Variants in SPAG5 observed in about 807,000 individuals in gnomAD.
SPAG5 encodes the protein sperm-associated antigen 5.
A neutral mutation model predicts 145.4 loss-of-function variants in SPAG5; 99 were observed. That is an observed-to-expected ratio of 0.68 (90% confidence interval 0.58 to 0.80). The LOEUF is 0.80. Among genes scored for constraint, SPAG5 ranks in the 30% least tolerant of loss-of-function variants. The probability of loss-of-function intolerance (pLI) is 0.00; values close to 1 mark genes in which losing one functional copy is unlikely to be tolerated. For missense variants in SPAG5, 1,192 were observed against 1,416.0 expected, an observed-to-expected ratio of 0.84 and a Z score of 2.54; for synonymous variants, 477 against 525.4, an observed-to-expected ratio of 0.91 and a Z score of 1.26.
At chr17:28,595,084 C>T (rs2070652810) in intron 2 of SPAG5, among the ~76,000 whole-genome samples, 1 of 151,578 alleles carries the variant, frequency 6.6e-6, no homozygotes, top group South Asian at 2.1e-4. Context: ...ATGGTGAAAC[C>T]CCATCTCTAC....
rs74795038 is a variant in SPAG5 at position 28,581,200 on chromosome 17, T to C, written c.2686-1080A>G. Among the ~76,000 whole-genome samples the C allele has an allele frequency of 5.0e-3, 763 of 152,296 alleles. 4 individuals carry two copies. The highest frequency in any genetic ancestry group is 0.017 in the African/African-American group (708 of 41,560). ...CTGCTCTTGAACTACAAAGGCAGAA[T>C]TGAGTAGTTGAGACAGAGACCATAT... On this transcript the variant is annotated intron_variant, in intron 15 of 23. Coordinates refer to ENST00000321765, the MANE Select transcript of SPAG5 (RefSeq NM_006461.4).
rs779295526 is a variant in SPAG5, at chr17:28,592,069, G to A, written c.1175C>T (p.Ala392Val). 6.2e-7 allele frequency: 1 copy of A among 1,614,168 alleles called. No homozygotes were observed. The highest frequency in any genetic ancestry group is 8.5e-7 in the Non-Finnish European group (1 of 1,180,030). ...CSVGTWFTPSAPQEKSTNTSQ... is the reference protein window; with the variant it reads ...CSVGTWFTPSVPQEKSTNTSQ... Reference sequence around the variant, plus strand: ...TGTGTTTGTACTCTTTTCCTGTGGTGCTGAAGGAGTAAACCAAGTCCCCAC... The same window carrying A: ...TGTGTTTGTACTCTTTTCCTGTGGTACTGAAGGAGTAAACCAAGTCCCCAC... The change falls in exon 3 of 24, where the codon GCA (alanine) becomes GTA (valine). Residue 392 changes from alanine (A) to valine (V), a missense_variant. Around this residue, in one of 5 missense-constraint regions of SPAG5, gnomAD observed 125 missense variants for 143.8 expected, o/e 0.87. Coordinates refer to ENST00000321765, the MANE Select transcript of SPAG5 (RefSeq NM_006461.4).
Position 28,599,012 on chromosome 17 carries a change from C to T in SPAG5, c.-66G>A. The T allele has an allele frequency of 6.5e-7, 1 of 1,533,968 alleles. No individual in the cohort carries two copies. Among genetic ancestry groups the T allele is most frequent in the Non-Finnish European group, 9.0e-7 (1 of 1,107,858 alleles). On this transcript the variant is annotated 5_prime_UTR_variant, in exon 1 of 24. Transcript: ENST00000321765. ...CGAGGACGCCATGTTCACCCGCCGT[C>T]TGTGTTTGAACCTGCTCTGCGCTTC...
intron 20 of SPAG5, 43 bp downstream of exon 20, chr17:28,578,629 A>T: frequency 6.2e-7 from 1 of 1,609,872 alleles, no homozygotes; most frequent in Non-Finnish European, 8.5e-7. Flanking sequence ...CTGGCTGACC[A>T]GTAACACAGA....
At chr17:28,591,373 G>GA (rs1434007985) in intron 4 of SPAG5, among the ~76,000 whole-genome samples, 1 of 152,142 alleles carries the variant, frequency 6.6e-6, no homozygotes, top group Non-Finnish European at 1.5e-5. Context: ...GGGCTCAAAT[G>GA]ATCCTCCTGC....
intron 4 of SPAG5, among the ~76,000 whole-genome samples, chr17:28,588,210 C>G (rs1056142644): frequency 6.6e-6 from 1 of 152,208 alleles, no homozygotes; most frequent in African/African-American, 2.4e-5. Context: ...TCGTGCTCAG[C>G]TGGACAGTCA....
At chr17:28,588,244 A>G (rs1030817818) in intron 4 of SPAG5, among the ~76,000 whole-genome samples, 1 of 152,198 alleles carries the variant, frequency 6.6e-6, no homozygotes, top group Non-Finnish European at 1.5e-5. Context: ...ATTAATGTGA[A>G]GGAGGCAGCC....
intron 15 of SPAG5, chr17:28,582,601 T>C (rs532076768): frequency 1.3e-5 from 2 of 152,366 alleles, no homozygotes; most frequent in Non-Finnish European, 2.9e-5. Flanking sequence ...TTGTCTTCCA[T>C]GCTAAACTGT....
chr17:28,583,583 A>G lies in SPAG5; in HGVS notation c.2613T>C (p.Ser871=), dbSNP rs765361860. ...GCTCAGTCAGCAGCCCTAGCTTTTGAGAGTACTGCCGTGTTTTCTCCAGAT... is the reference window on the plus strand; with the variant it reads ...GCTCAGTCAGCAGCCCTAGCTTTTGGGAGTACTGCCGTGTTTTCTCCAGAT... ...EQDLEKTRQY[S]QKLGLLTEQL... The change falls in exon 15 of 24, where the codon TCT becomes TCC. Residue 871 remains serine (S), a synonymous_variant. Coordinates refer to ENST00000321765, the MANE Select transcript of SPAG5 (RefSeq NM_006461.4). The G allele has an allele frequency of 1.9e-6, 3 of 1,613,834 alleles. No individual in the cohort carries two copies. In the Admixed American group the frequency reaches 5.0e-5, roughly 27 times the overall value.
chr17:28,590,149 C>T (rs564598117), intron 4 of SPAG5, among the ~76,000 whole-genome samples: 2 of 152,210 alleles, frequency 1.3e-5, no homozygotes, highest in African/African-American at 2.4e-5. Flanking sequence ...TTAATGAAAT[C>T]GATGGAGATT....
intron 19 of SPAG5, 71 bp downstream of exon 19, chr17:28,579,070 A>C (rs2070529766): frequency 7.7e-7 from 1 of 1,298,256 alleles, no homozygotes; most frequent in African/African-American, 1.5e-5. Context: ...TCCTGGAGAG[A>C]TAATGGCTCC....
Position 28,597,697 on chromosome 17 carries a change from T to C in SPAG5, c.177+813A>G, listed in dbSNP as rs543507927. On this transcript the variant is annotated intron_variant, in intron 2 of 23. Transcript: ENST00000321765. ...CATCTCCTTCCAAAAATAATTCATA[T>C]GCATGAAAATGAATAGATACGATTA... 2.8e-4 allele frequency among the ~76,000 whole-genome samples: 42 copies of C among 152,286 alleles called. 1 individual carries two copies. The South Asian group carries it at 8.3e-3, about 30-fold the overall frequency.
At chr17:28,580,476 C>T (rs2070543051) in intron 15 of SPAG5, 1 of 154,406 alleles carries the variant, frequency 6.5e-6, no homozygotes, top group Admixed American at 6.5e-5. Flanking sequence ...CTCCCCAGCC[C>T]ACTACACTCA....
In SPAG5 at chr17:28,583,483, G is replaced by A. The variant is rs1319438021; in HGVS notation, c.2685+28C>T. 12 of 1,545,084 alleles carry A rather than the reference G, an allele frequency of 7.8e-6. No homozygotes were observed. The African/African-American group carries it at 1.5e-4, about 20-fold the overall frequency. On this transcript the variant is annotated intron_variant, in intron 15 of 23. Transcript: ENST00000321765. Reference sequence around the variant, plus strand: ...CTGTAAAATAAAGATACAATTGGAAGAGAAGAGAAGGAACCCCAGGATCCT... The same window carrying A: ...CTGTAAAATAAAGATACAATTGGAAAAGAAGAGAAGGAACCCCAGGATCCT...
At position 28,598,562 on chromosome 17, in the gene SPAG5, C is replaced by T; in HGVS notation, c.125G>A (p.Arg42Lys). Residue 42 changes from arginine to lysine, a missense_variant, in exon 2 of 24, where the codon AGA becomes AAA. Physicochemically the swap from Arg to Lys is conservative, Grantham distance 26. Around this residue, in one of 5 missense-constraint regions of SPAG5, gnomAD observed 329 missense variants for 354.0 expected, o/e 0.93. Transcript: ENST00000321765. ...GGTCAGCGAGGAGCAAGCGGGGGAT[C>T]TTTTTCCAGAGTTGGTGAGGGCACC... ...QPGALTNSGK[R>K]SPACSSLTPS... 6.2e-7 allele frequency: 1 copy of T among 1,613,832 alleles called. No individual in the cohort carries two copies. The highest frequency in any genetic ancestry group is 1.1e-5 in the South Asian group (1 of 91,044).
Position 28,579,034 on chromosome 17 carries a change from G to C in SPAG5, c.3117+107C>G, listed in dbSNP as rs973012850. The C allele has an allele frequency of 3.1e-6, 3 of 953,780 alleles. No individual in the cohort carries two copies. The African/African-American group carries it at 4.9e-5, about 16-fold the overall frequency. The allele number at this position is 953,780 out of a possible 1,614,324, so 59.1% of individuals were successfully genotyped here. A position where few individuals can be genotyped will look rare whatever the true frequency, so the allele number is the denominator to read the frequency against. ...CCAGGAAGGGCAAAACTAGGGCAGTGGTTGGAAAATCCCCACCACCCAGAT... is the reference window on the plus strand; with the variant it reads ...CCAGGAAGGGCAAAACTAGGGCAGTCGTTGGAAAATCCCCACCACCCAGAT... On this transcript the variant is annotated intron_variant, in intron 19 of 23. Coordinates refer to ENST00000321765, the MANE Select transcript of SPAG5 (RefSeq NM_006461.4).
intron 2 of SPAG5, among the ~76,000 whole-genome samples, chr17:28,595,163 CAGG>C (rs1460910153): frequency 6.7e-6 from 1 of 149,956 alleles, no homozygotes; most frequent in East Asian, 2.0e-4. Flanking sequence ...GAGGCTGAGG[CAGG>C]AGAATCGCTT....
At chr17:28,590,742 G>C (rs891976571) in intron 4 of SPAG5, among the ~76,000 whole-genome samples, 30 of 151,710 alleles carry the variant, frequency 2.0e-4, no homozygotes, top group Admixed American at 2.0e-3. Flanking sequence ...GGTGGCATGC[G>C]CTTGTAGTCC....
chr17:28,588,195 T>C (rs935047131), intron 4 of SPAG5, among the ~76,000 whole-genome samples: 2 of 152,198 alleles, frequency 1.3e-5, no homozygotes, highest in African/African-American at 4.8e-5. Flanking sequence ...TGGATAGGGC[T>C]CACATCGTGC....
Sources: gnomAD v4.1 joint callset for allele counts (sites outside exome capture counted in the v4.1 genomes callset) on GRCh38, gnomAD v4.1.1 for gene constraint, gnomAD v4.1.1 regional missense constraint, MANE v1.5 for transcripts, NCBI Gene and HGNC (gene_info 2026-07-23, HGNC 2026-07-21) for gene names.